The following GIT2 variants were observed in gnomAD, a reference collection of about 807,000 sequenced individuals.
GIT2 encodes ARF GTPase-activating protein GIT2.
In GIT2, 32 loss-of-function variants were observed where a neutral mutation model predicts 100.3. The ratio of observed to expected loss-of-function variants is 0.32; its 90% CI spans 0.24 to 0.43. The LOEUF is 0.43. Ranked by LOEUF, GIT2 falls within the 20% of genes least tolerant of loss-of-function variation. The pLI, the probability that GIT2 is intolerant of heterozygous loss-of-function variation, is 1.00. For synonymous variants in GIT2, 353 were observed against 364.1 expected (o/e 0.97, Z 0.35); for missense variants, 737 against 975.1 (o/e 0.76, Z 3.25).
chr12:109,996,420 G>A (rs1889445916), upstream of GIT2: 1 of 528,110 alleles, frequency 1.9e-6, no homozygotes, highest in Non-Finnish European at 3.3e-6. Context: ...TCATGTGACC[G>A]GAAAGGGCAC....
intron 4 of GIT2, among the ~76,000 whole-genome samples, chr12:109,984,406 T>C (rs1390708141): frequency 6.6e-6 from 1 of 150,894 alleles, no homozygotes; most frequent in African/African-American, 2.4e-5. Flanking sequence ...AGCGAGACCC[T>C]GTCTCAAAAA....
intron 16 of GIT2, among the ~76,000 whole-genome samples, chr12:109,941,005 A>C (rs1304268346): frequency 6.6e-6 from 1 of 151,594 alleles, no homozygotes; most frequent in Non-Finnish European, 1.5e-5. Flanking sequence ...AGGCAGCCGG[A>C]CCCACGTGGA....
In GIT2 at chr12:109,962,623, G is replaced by A. The variant is rs1437074383; in HGVS notation, c.817-938C>T. 6.6e-6 allele frequency among the ~76,000 whole-genome samples: 1 copy of A among 152,158 alleles called. No homozygotes were observed. The highest frequency in any genetic ancestry group is 1.5e-5 in the Non-Finnish European group (1 of 67,996). On this transcript the variant is annotated intron_variant, in intron 9 of 19. Transcript: ENST00000355312. The surrounding 1 kb of genome is among the most constrained non-coding windows in gnomAD (Gnocchi z 4.3). ...CCAGATGAGGTTAAGCCTCTTCTGG[G>A]GTGGCTCCGCCTCTCTCTGCACTTT...
chr12:109,994,007 A>G (rs1380512591), intron 1 of GIT2, among the ~76,000 whole-genome samples: 1 of 151,364 alleles, frequency 6.6e-6, no homozygotes, highest in Non-Finnish European at 1.5e-5. Flanking sequence ...GGAAATGTCC[A>G]GATGAAGGAG....
chr12:109,939,254 G>A lies in GIT2; in HGVS notation c.1732-7C>T, dbSNP rs1186277108. ...GCTTCTCCAGCCTGGATGCCTACAA[G>A]AAAGAAGAGGGACCCTCATGAGTTT... is the stretch of plus-strand genomic sequence containing the variant. On this transcript the variant is annotated splice_region_variant and splice_polypyrimidine_tract_variant and intron_variant, in intron 16 of 19. Coordinates refer to ENST00000355312, the MANE Select transcript of GIT2 (RefSeq NM_057169.5). 6.6e-7 allele frequency: 1 copy of A among 1,525,446 alleles called. No homozygotes were observed. The highest frequency in any genetic ancestry group is 1.1e-5 in the South Asian group (1 of 89,288). The allele number at this position is 1,525,446 out of a possible 1,614,324, so 94.5% of individuals were successfully genotyped here.
intron 15 of GIT2, among the ~76,000 whole-genome samples, chr12:109,946,092 C>G (rs1250495370): frequency 6.6e-6 from 1 of 152,098 alleles, no homozygotes; most frequent in Non-Finnish European, 1.5e-5. Flanking sequence ...TGAGATCACA[C>G]CACTGCACTC....
Position 109,931,847 on chromosome 12 carries a change from C to A in GIT2, c.*1131G>T, listed in dbSNP as rs1156803335. The A allele has an allele frequency of 6.6e-6, 1 of 152,224 alleles. No individual in the cohort carries two copies. The highest frequency in any genetic ancestry group is 1.5e-5 in the Non-Finnish European group (1 of 68,050). 9.4% of individuals were successfully genotyped at this position (152,224 alleles called of 1,614,324 possible). ...TTCAGAGCTTTGGGGTAGCAGGCAG[C>A]CAGCTAGAGCACACTCTCTAAGGAA... is the stretch of plus-strand genomic sequence containing the variant. On this transcript the variant is annotated 3_prime_UTR_variant, in exon 20 of 20. Transcript: ENST00000355312.
At chr12:109,960,796 A>T (rs1880867580) in intron 11 of GIT2, among the ~76,000 whole-genome samples, 1 of 152,202 alleles carries the variant, frequency 6.6e-6, no homozygotes, top group African/African-American at 2.4e-5. Flanking sequence ...ATTAGAGCAT[A>T]TTCTCAAATG....
chr12:109,949,317 G>A (rs1020881126), intron 14 of GIT2, among the ~76,000 whole-genome samples: 1 of 152,224 alleles, frequency 6.6e-6, no homozygotes, highest in Non-Finnish European at 1.5e-5. Flanking sequence ...TGGGGCACTG[G>A]TGCATGTGAT....
In GIT2 at chr12:109,966,060, A is replaced by C. The variant is rs1271874256; in HGVS notation, c.765-483T>G. 5.3e-5 allele frequency among the ~76,000 whole-genome samples: 8 copies of C among 150,212 alleles called. 1 individual carries two copies. The South Asian group carries it at 1.7e-3, about 32-fold the overall frequency. The stretch of plus-strand genomic sequence containing the variant: ...ACCCAGGCTGGAGTGCAGTGGCGCA[A>C]TCTCAGCTCACTGCAATCTCTGCCA... On this transcript the variant is annotated intron_variant, in intron 8 of 19. Coordinates refer to ENST00000355312, the MANE Select transcript of GIT2 (RefSeq NM_057169.5).
Position 109,948,983 on chromosome 12 carries a change from T to A in GIT2, c.1393-1479A>T. On this transcript the variant is annotated intron_variant, in intron 14 of 19. Transcript: ENST00000355312. This position sits in a 1 kb window ranked among gnomAD's most constrained non-coding sequence, Gnocchi z 4.3. ...AATTCCATATACTTTATATTAATCATGCCAAACTGCTGTGAAAGTGTGACT... is the reference window on the plus strand; with the variant it reads ...AATTCCATATACTTTATATTAATCAAGCCAAACTGCTGTGAAAGTGTGACT... The A allele has an allele frequency of 1.6e-6, 1 of 617,980 alleles. No individual in the cohort carries two copies. The highest frequency in any genetic ancestry group is 2.8e-6 in the Non-Finnish European group (1 of 359,764). 38.3% of individuals were successfully genotyped at this position (617,980 alleles called of 1,614,324 possible). A position where few individuals can be genotyped will look rare whatever the true frequency, so the allele number is the denominator to read the frequency against.
In GIT2 at chr12:109,948,248, A is replaced by G. The variant is rs1040916200; in HGVS notation, c.1393-744T>C. ...TCTTCGCATGGATGCTCCACGCAGC[A>G]CGCTTGCTTCCGTCTGGTGAGTGAT... On this transcript the variant is annotated intron_variant, in intron 14 of 19. Transcript: ENST00000355312. The surrounding 1 kb of genome is among the most constrained non-coding windows in gnomAD (Gnocchi z 4.3). 1.1e-5 allele frequency: 11 copies of G among 986,286 alleles called. No homozygotes were observed. The highest frequency in any genetic ancestry group is 1.3e-5 in the Non-Finnish European group (11 of 830,518). 61.1% of individuals were successfully genotyped at this position (986,286 alleles called of 1,614,324 possible).
At chr12:109,974,179 G>C (rs1463619926) in intron 7 of GIT2, among the ~76,000 whole-genome samples, 1 of 152,214 alleles carries the variant, frequency 6.6e-6, no homozygotes, top group East Asian at 1.9e-4. Context: ...TTCATTCAGT[G>C]GAAAATATTT....
chr12:109,953,488 C>CA lies in GIT2; in HGVS notation c.1100-255dup, dbSNP rs570042939. 2.2e-4 allele frequency: 82 copies of CA among 372,858 alleles called. 1 individual carries two copies. The South Asian group carries it at 2.8e-3, about 13-fold the overall frequency. The allele number at this position is 372,858 out of a possible 1,614,324, so 23.1% of individuals were successfully genotyped here. A position where few individuals can be genotyped will look rare whatever the true frequency, so the allele number is the denominator to read the frequency against. Reference sequence around the variant, plus strand: ...TTTAAAAATTATCCAGGCCTGGTGTCACAGGCCTGTAGTCCCAGCTACTAG... The same window carrying CA: ...TTTAAAAATTATCCAGGCCTGGTGTCAACAGGCCTGTAGTCCCAGCTACTAG... On this transcript the variant is annotated intron_variant, in intron 12 of 19. Coordinates refer to ENST00000355312, the MANE Select transcript of GIT2 (RefSeq NM_057169.5).
chr12:109,968,736 T>A (rs535391563), intron 7 of GIT2, among the ~76,000 whole-genome samples: 1 of 152,094 alleles, frequency 6.6e-6, no homozygotes, highest in East Asian at 1.9e-4. Context: ...TTATTTATTT[T>A]GAGTCAGGGT....
Position 109,932,914 on chromosome 12 carries a change from C to A in GIT2, c.*64G>T. 3.4e-6 allele frequency: 3 copies of A among 886,796 alleles called. 1 individual carries two copies. In the South Asian group the frequency reaches 4.0e-5, roughly 12 times the overall value. 54.9% of individuals were successfully genotyped at this position (886,796 alleles called of 1,614,324 possible). On this transcript the variant is annotated 3_prime_UTR_variant, in exon 20 of 20. Coordinates refer to ENST00000355312, the MANE Select transcript of GIT2 (RefSeq NM_057169.5). Reference sequence around the variant, plus strand: ...TTTTGTAGAAATCTGAAGAGTTCTGCGTCTGAATTTGAAATTGGACTTTAT... The same window carrying A: ...TTTTGTAGAAATCTGAAGAGTTCTGAGTCTGAATTTGAAATTGGACTTTAT...
intron 14 of GIT2, chr12:109,949,074 T>C (rs1001330455): frequency 9.1e-6 from 5 of 551,166 alleles, no homozygotes; most frequent in African/African-American, 7.7e-5. Flanking sequence ...TACAGAATGA[T>C]AGAATGCTTT....
upstream of GIT2, among the ~76,000 whole-genome samples, chr12:109,997,038 C>A (rs1189386852): frequency 6.6e-6 from 1 of 151,502 alleles, no homozygotes; most frequent in Non-Finnish European, 1.5e-5. Flanking sequence ...GGTGAAACCC[C>A]GTCTCTACTA....
At chr12:109,978,006 G>T (rs920941731) in intron 7 of GIT2, among the ~76,000 whole-genome samples, 4 of 149,582 alleles carry the variant, frequency 2.7e-5, no homozygotes, top group African/African-American at 9.8e-5. Context: ...CTGTGGATTT[G>T]AGTTTATCTT....
Sources: allele counts gnomAD v4.1 joint callset (sites outside exome capture counted in the v4.1 genomes callset), GRCh38; gene constraint gnomAD v4.1.1; non-coding constraint Gnocchi (gnomAD v3.1); transcripts MANE v1.5; gene names NCBI Gene and HGNC (gene_info 2026-07-23, HGNC 2026-07-21).